The following ARHGEF10 variants were observed in gnomAD, a reference collection of about 807,000 sequenced individuals.
The protein encoded by ARHGEF10 is Rho guanine nucleotide exchange factor (GEF) 10.
Under a neutral mutation model 147.4 loss-of-function variants are expected in ARHGEF10, and 140 were observed. That is an observed-to-expected ratio of 0.95 (90% CI 0.83 to 1.09). The LOEUF is 1.09. Among genes scored for constraint, ARHGEF10 ranks in the 50% least tolerant of loss-of-function variants. The pLI is 0.00. For synonymous variants in ARHGEF10, 902 were observed against 695.8 expected (o/e 1.30, Z -4.67); for missense variants, 2,222 against 1,752.7 (o/e 1.27, Z -4.78).
rs1585380805 is a variant in ARHGEF10 at position 1,882,745 on chromosome 8, A to T, written c.1071A>T (p.Ala357=). ...TCATCAGGACCAAGTCTCTCATCGC[A>T]CAGGGTCCGTGCCTGCAGGTCTTCT... ...RSFIRTKSLI[A]QDHRSSLEEE... The change falls in exon 10 of 29, where the codon GCA becomes GCT. Residue 357 remains alanine (A), a synonymous_variant. Coordinates refer to ENST00000349830, the MANE Select transcript of ARHGEF10 (RefSeq NM_014629.4). 2 of 1,451,286 alleles carry T rather than the reference A, an allele frequency of 1.4e-6. No individual in the cohort carries two copies. The highest frequency in any genetic ancestry group is 9.2e-7 in the Non-Finnish European group (1 of 1,089,112). 89.9% of individuals were successfully genotyped at this position (1,451,286 alleles called of 1,614,324 possible).
intron 4 of ARHGEF10, among the ~76,000 whole-genome samples, chr8:1,862,432 G>A (rs552880487): frequency 2.6e-5 from 4 of 152,352 alleles, no homozygotes; most frequent in African/African-American, 7.2e-5. Flanking sequence ...GTTTACGCAC[G>A]GGCTGTTGTG....
At chr8:1,833,955 C>G (rs1803426217) in intron 1 of ARHGEF10, among the ~76,000 whole-genome samples, 1 of 152,166 alleles carries the variant, frequency 6.6e-6, no homozygotes, top group Non-Finnish European at 1.5e-5. Flanking sequence ...ATGACCACTC[C>G]TGCTCGGGGG....
At chr8:1,956,613 A>G in intron 28 of ARHGEF10, 136 bp from the exon 29 acceptor site, 2 of 825,882 alleles carry the variant, frequency 2.4e-6, no homozygotes, top group South Asian at 1.5e-5. Context: ...CTTATTATTC[A>G]TGTATGCAAG....
In ARHGEF10 at chr8:1,945,541, G is replaced by A. The variant is rs776440131; in HGVS notation, c.3283G>A (p.Val1095Ile). 1.8e-5 allele frequency: 29 copies of A among 1,614,056 alleles called. No homozygotes were observed. Among genetic ancestry groups the A allele is most frequent in the East Asian group, 4.5e-5 (2 of 44,886 alleles). The change falls in exon 27 of 29, where the codon GTC becomes ATC. Residue 1095 changes from valine (V) to isoleucine (I), a missense_variant. Coordinates refer to ENST00000349830, the MANE Select transcript of ARHGEF10 (RefSeq NM_014629.4). ...GATCTCCCACATGGCCGTGTCCGGCGTCGGGATCTGGATTGCCTTCACCTC... is the reference window on the plus strand; with the variant it reads ...GATCTCCCACATGGCCGTGTCCGGCATCGGGATCTGGATTGCCTTCACCTC... ...MVISHMAVSGVGIWIAFTSGS... is the reference protein window; with the variant it reads ...MVISHMAVSGIGIWIAFTSGS...
At chr8:1,829,534 C>T (rs898841145) in intron 1 of ARHGEF10, among the ~76,000 whole-genome samples, 2 of 152,224 alleles carry the variant, frequency 1.3e-5, no homozygotes, top group Non-Finnish European at 2.9e-5. Flanking sequence ...GGGAAGCAGC[C>T]CACACGAGAG....
intron 24 of ARHGEF10, among the ~76,000 whole-genome samples, chr8:1,928,869 T>TA: frequency 6.6e-6 from 1 of 152,244 alleles, no homozygotes; most frequent in East Asian, 1.9e-4. Context: ...AGAGAAGTGG[T>TA]ATTTCTTTAA....
chr8:1,824,238 C>T (rs1020807956), intron 1 of ARHGEF10, 125 bp downstream of exon 1: 2 of 152,170 alleles, frequency 1.3e-5, no homozygotes, highest in African/African-American at 2.4e-5. Context: ...GCCCCCGACC[C>T]CCTGCGCAGA....
chr8:1,923,272 G>A, intron 19 of ARHGEF10, 193 bp downstream of exon 19: 1 of 933,864 alleles, frequency 1.1e-6, no homozygotes. Context: ...TTTGCAAATA[G>A]GGTTTAATAT....
At chr8:1,869,133 A>T in intron 6 of ARHGEF10, 61 bp from the exon 7 acceptor site, 1 of 1,486,800 alleles carries the variant, frequency 6.7e-7, no homozygotes, top group South Asian at 1.1e-5. Flanking sequence ...GCCCTGTAAA[A>T]TTTAAATTGC....
rs768961111 is a variant in ARHGEF10 at position 1,896,438 on chromosome 8, G to C, written c.1546G>C (p.Glu516Gln). Residue 516 changes from glutamate (E) to glutamine (Q), a missense_variant, in exon 14 of 29, where the codon GAA becomes CAA. Transcript: ENST00000349830. ...ATGTGCCACAAAGCCCGCTTTTCTT[G>C]AATTTTTAAAGGTAAGCGCTTTTTT... ...KTCATKPAFL[E>Q]FLKQEQEASP... is the part of the protein sequence containing the mutation. The C allele has an allele frequency of 1.2e-6, 2 of 1,611,708 alleles. No homozygotes were observed. Among genetic ancestry groups the C allele is most frequent in the Non-Finnish European group, 1.7e-6 (2 of 1,178,878 alleles).
rs746072431 is a variant in ARHGEF10 at position 1,898,453 on chromosome 8, C to G, written c.1578C>G (p.Pro526=). The change falls in exon 15 of 29, where the codon CCC becomes CCG. Residue 526 remains proline (P), a synonymous_variant. Transcript: ENST00000349830. ...EFLKQEQEAS[P]DRTTLYSLMM... The stretch of plus-strand genomic sequence containing the variant: ...CACAGCAGGAACAGGAGGCCAGCCC[C>G]GATCGAACCACGCTCTACAGCCTGA... 1.4e-5 allele frequency: 23 copies of G among 1,613,974 alleles called. No individual in the cohort carries two copies. Among genetic ancestry groups the G allele is most frequent in the Non-Finnish European group, 1.8e-5 (21 of 1,180,016 alleles).
At chr8:1,839,768 G>GACTGTCTGGTGTGGGT (rs1469129442) in intron 1 of ARHGEF10, among the ~76,000 whole-genome samples, 1 of 126,252 alleles carries the variant, frequency 7.9e-6, no homozygotes, top group Non-Finnish European at 1.6e-5. Flanking sequence ...CTGGTGTGGG[G>GACTGTCTGGTGTGGGT]ACTGTCTGGT....
At chr8:1,890,045 G>C (rs1217411755) in intron 11 of ARHGEF10, among the ~76,000 whole-genome samples, 2 of 149,156 alleles carry the variant, frequency 1.3e-5, no homozygotes, top group African/African-American at 4.9e-5. Flanking sequence ...ACACTGAGTG[G>C]GGTAAGGAGT....
chr8:1,944,121 C>CCTCGGGAT (rs2129271341), intron 26 of ARHGEF10, among the ~76,000 whole-genome samples: 2 of 75,574 alleles, frequency 2.6e-5, no homozygotes. Flanking sequence ...GTGTCGCCTC[C>CCTCGGGAT]CCCAGGATCC....
intron 18 of ARHGEF10, among the ~76,000 whole-genome samples, chr8:1,912,093 T>C (rs1213713879): frequency 6.6e-6 from 1 of 152,216 alleles, no homozygotes; most frequent in Non-Finnish European, 1.5e-5. Flanking sequence ...AACCTCTGCT[T>C]GCAGAGCGGG....
chr8:1,853,256 C>CCTTCCCTG (rs981826717), intron 2 of ARHGEF10, among the ~76,000 whole-genome samples: 2 of 152,226 alleles, frequency 1.3e-5, no homozygotes, highest in Non-Finnish European at 2.9e-5. Flanking sequence ...CCCAGGCCGC[C>CCTTCCCTG]CTTCCCTGCT....
intron 25 of ARHGEF10, among the ~76,000 whole-genome samples, chr8:1,931,463 C>T (rs1352617019): frequency 6.6e-6 from 1 of 152,214 alleles, no homozygotes; most frequent in Non-Finnish European, 1.5e-5. Flanking sequence ...TGTGTTTTCG[C>T]CTTGTCAGAC....
intron 2 of ARHGEF10, among the ~76,000 whole-genome samples, chr8:1,855,682 G>A (rs74362557): frequency 6.6e-6 from 1 of 151,864 alleles, no homozygotes; most frequent in African/African-American, 2.4e-5. Flanking sequence ...GAGCCCCTGC[G>A]CCCAGCAATA....
intron 7 of ARHGEF10, chr8:1,869,667 CAT>C (rs545171643): frequency 9.1e-4 from 291 of 319,650 alleles, no homozygotes; most frequent in African/African-American, 6.0e-3. Context: ...AGATTTTAGA[CAT>C]AGAGATTCAA....
Sources: allele counts gnomAD v4.1 joint callset (sites outside exome capture counted in the v4.1 genomes callset), GRCh38; gene constraint gnomAD v4.1.1; transcripts MANE v1.5; gene names NCBI Gene and HGNC (gene_info 2026-07-23, HGNC 2026-07-21).